The following MOG variants were observed in gnomAD, a reference collection of about 807,000 sequenced individuals.
MOG encodes the protein myelin oligodendrocyte glycoprotein, also known as myelin-oligodendrocyte glycoprotein.
A neutral mutation model predicts 35.9 loss-of-function variants in MOG; 20 were observed. That is an observed-to-expected ratio of 0.56 (90% CI 0.39 to 0.81). MOG has a LOEUF of 0.81. Among genes scored for constraint, MOG ranks in the 30% least tolerant of loss-of-function variants. MOG has a pLI of 0.00. For missense variants in MOG, 251 were observed against 301.0 expected, an observed-to-expected ratio of 0.83 and a Z score of 1.23; for synonymous variants, 92 against 114.3, an observed-to-expected ratio of 0.80 and a Z score of 1.25.
At chr6:29,668,607 T>G (rs936966311) in intron 5 of MOG, among the ~76,000 whole-genome samples, 7 of 152,220 alleles carry the variant, frequency 4.6e-5, no homozygotes, top group African/African-American at 1.7e-4. Context: ...TAGGTGACTC[T>G]ACTCTTGTCA....
Position 29,659,514 on chromosome 6 carries a change from G to A in MOG, c.284G>A (p.Arg95Gln), listed in dbSNP as rs752019554. 8.7e-6 allele frequency: 14 copies of A among 1,613,034 alleles called. No individual in the cohort carries two copies. The East Asian group carries it at 1.1e-4, about 13-fold the overall frequency. Residue 95 changes from arginine to glutamine, a missense_variant, in exon 2 of 8, where the codon CGG (arginine) becomes CAG (glutamine). Physicochemically the swap from Arg to Gln is conservative, Grantham distance 43. Coordinates refer to ENST00000376917, the MANE Select transcript of MOG (RefSeq NM_206809.4). The stretch of plus-strand genomic sequence containing the variant: ...GATGGAGACCAGGCACCTGAATATC[G>A]GGGCCGGACAGAGCTGCTGAAAGAT... ...DQDGDQAPEY[R>Q]GRTELLKDAI... is the part of the protein sequence containing the mutation.
intron 2 of MOG, among the ~76,000 whole-genome samples, chr6:29,660,562 GCA>G (rs35514085): frequency 0.39 from 50,828 of 128,934 alleles, 10,944 homozygotes; most frequent in South Asian, 0.5. Flanking sequence ...ATTTGTGAGC[GCA>G]CACACACACA....
intron 2 of MOG, chr6:29,661,906 T>C: frequency 1.0e-6 from 1 of 985,150 alleles, no homozygotes; most frequent in South Asian, 4.7e-5. Context: ...TTTGGGTTGC[T>C]ATCCACATTC....
Position 29,659,393 on chromosome 6 carries a change from A to C in MOG, c.163A>C (p.Ile55Leu). 3 of 1,612,992 alleles carry C rather than the reference A, an allele frequency of 1.9e-6. No individual in the cohort carries two copies. The highest frequency in any genetic ancestry group is 2.5e-6 in the Non-Finnish European group (3 of 1,179,998). Residue 55 changes from isoleucine (I) to leucine (L), a missense_variant, in exon 2 of 8, where the codon ATA becomes CTA. Ile to Leu is a conservative substitution (Grantham distance 5). Coordinates refer to ENST00000376917, the MANE Select transcript of MOG (RefSeq NM_206809.4). ...GGATGAAGTGGAATTGCCATGTCGC[A>C]TATCTCCTGGGAAGAACGCTACAGG... The part of the protein sequence containing the change: ...VGDEVELPCR[I>L]SPGKNATGME...
At chr6:29,658,141 A>T (rs1184421708) in intron 1 of MOG, among the ~76,000 whole-genome samples, 1 of 152,182 alleles carries the variant, frequency 6.6e-6, no homozygotes, top group Non-Finnish European at 1.5e-5. Context: ...ATGTTTGTGG[A>T]ATTATAATAT....
rs535999803 is a variant in MOG, at chr6:29,659,674, G to C, written c.436+8G>C. ...TGGAATTGAAAGTAGAAGGTGAGTAGTGCCATATAATATTAGGTATTAACT... is the reference window on the plus strand; with the variant it reads ...TGGAATTGAAAGTAGAAGGTGAGTACTGCCATATAATATTAGGTATTAACT... On this transcript the variant is annotated splice_region_variant and intron_variant, in intron 2 of 7. Coordinates refer to ENST00000376917, the MANE Select transcript of MOG (RefSeq NM_206809.4). 2 of 1,608,062 alleles carry C rather than the reference G, an allele frequency of 1.2e-6. No individual in the cohort carries two copies. Among genetic ancestry groups the C allele is most frequent in the South Asian group, 1.1e-5 (1 of 90,848 alleles).
At chr6:29,661,425 T>A in intron 2 of MOG, 1 of 985,276 alleles carries the variant, frequency 1.0e-6, no homozygotes, top group Non-Finnish European at 1.2e-6. Context: ...AGTTTGATAG[T>A]GAGACCCTCT....
intron 2 of MOG, chr6:29,659,987 T>C: frequency 2.3e-6 from 1 of 443,020 alleles, no homozygotes; most frequent in East Asian, 4.6e-5. Flanking sequence ...AGGCCTTCTA[T>C]AAGGTATTAT....
chr6:29,660,587 C>CACAA (rs1554203798), intron 2 of MOG, among the ~76,000 whole-genome samples: 14 of 147,682 alleles, frequency 9.5e-5, no homozygotes, highest in African/African-American at 1.8e-4. Context: ...CACACACACA[C>CACAA]ACCTGTGCTT....
At position 29,659,349 on chromosome 6, in the gene MOG, C is replaced by T; in HGVS notation, c.119C>T (p.Pro40Leu). 1 of 1,612,908 alleles carries T rather than the reference C, an allele frequency of 6.2e-7. No homozygotes were observed. Among genetic ancestry groups the T allele is most frequent in the African/African-American group, 1.3e-5 (1 of 75,010 alleles). Residue 40 changes from proline (P) to leucine (L), a missense_variant, in exon 2 of 8, where the codon CCT becomes CTT. Physicochemically the swap from Pro to Leu is moderately conservative, Grantham distance 98. Transcript: ENST00000376917. Reference protein sequence around the residue: ...GQFRVIGPRHPIRALVGDEVE... With the variant: ...GQFRVIGPRHLIRALVGDEVE... ...TTCAGAGTGATAGGACCAAGACACC[C>T]TATCCGGGCTCTGGTCGGGGATGAA...
In MOG at chr6:29,662,259, A is replaced by T. The variant is rs2127505552; in HGVS notation, c.436+2593A>T. On this transcript the variant is annotated intron_variant, in intron 2 of 7. Transcript: ENST00000376917. This position sits in a 1 kb window ranked among gnomAD's most constrained non-coding sequence, Gnocchi z 4.2. ...AGCACTTTGGGAGGCCGAAGCGGGC[A>T]GATCACCCGAGGTCAGGAGTTCGAG... 1 of 791,194 alleles carries T rather than the reference A, an allele frequency of 1.3e-6. No individual in the cohort carries two copies. Among genetic ancestry groups the T allele is most frequent in the East Asian group, 1.3e-4 (1 of 7,922 alleles). 49.0% of individuals were successfully genotyped at this position (791,194 alleles called of 1,614,324 possible). A position where few individuals can be genotyped will look rare whatever the true frequency, so the allele number is the denominator to read the frequency against.
At chr6:29,660,788 G>A (rs1211713528) in intron 2 of MOG, among the ~76,000 whole-genome samples, 3 of 147,622 alleles carry the variant, frequency 2.0e-5, no homozygotes, top group East Asian at 2.0e-4. Flanking sequence ...GTGCAATGGC[G>A]CCCTCCGCCT....
rs1457277278 is a variant in MOG, at chr6:29,672,326, AAATAAAT to A, written c.*1144_*1150del. On this transcript the variant is annotated 3_prime_UTR_variant, in exon 8 of 8. Transcript: ENST00000376917. ...TAAATAAATAAATAAATAAATAAAT[AAATAAAT>A]AAAAAATAATAATACAAGTTTTCAT... 22 of 277,112 alleles carry A rather than the reference AAATAAAT, an allele frequency of 7.9e-5. No homozygotes were observed. Among genetic ancestry groups the A allele is most frequent in the Non-Finnish European group, 1.1e-4 (18 of 157,686 alleles). The allele number at this position is 277,112 out of a possible 1,614,324, so 17.2% of individuals were successfully genotyped here. A position where few individuals can be genotyped will look rare whatever the true frequency, so the allele number is the denominator to read the frequency against.
intron 1 of MOG, 143 bp downstream of exon 1, chr6:29,657,440 G>A (rs1421759352): frequency 6.5e-5 from 46 of 706,966 alleles, no homozygotes; most frequent in Non-Finnish European, 9.4e-5. Flanking sequence ...CCCTTCCTCA[G>A]AAACCTTCCG....
In MOG at chr6:29,659,679, A is replaced by G. The variant is rs757178933; in HGVS notation, c.436+13A>G. The G allele has an allele frequency of 6.2e-7, 1 of 1,602,834 alleles. No individual in the cohort carries two copies. The highest frequency in any genetic ancestry group is 8.5e-7 in the Non-Finnish European group (1 of 1,171,260). On this transcript the variant is annotated intron_variant, in intron 2 of 7. Coordinates refer to ENST00000376917, the MANE Select transcript of MOG (RefSeq NM_206809.4). ...TTGAAAGTAGAAGGTGAGTAGTGCCATATAATATTAGGTATTAACTGTTGG... is the reference window on the plus strand; with the variant it reads ...TTGAAAGTAGAAGGTGAGTAGTGCCGTATAATATTAGGTATTAACTGTTGG...
In MOG at chr6:29,671,222, G is replaced by T. The variant is rs1771398440; in HGVS notation, c.*37G>T. On this transcript the variant is annotated 3_prime_UTR_variant, in exon 8 of 8. Coordinates refer to ENST00000376917, the MANE Select transcript of MOG (RefSeq NM_206809.4). The stretch of plus-strand genomic sequence containing the variant: ...TCTTGGCAGGGGTGGAGGAGAGCCT[G>T]GTTGCCCAGGGATTTGTCCTTGGGG... 6.2e-7 allele frequency: 1 copy of T among 1,612,728 alleles called. No homozygotes were observed. The highest frequency in any genetic ancestry group is 8.5e-7 in the Non-Finnish European group (1 of 1,180,034).
chr6:29,658,029 T>C (rs1266241351), intron 1 of MOG, among the ~76,000 whole-genome samples: 1 of 152,184 alleles, frequency 6.6e-6, no homozygotes, highest in African/African-American at 2.4e-5. Context: ...ACCTCTCAAA[T>C]TGAGATAAAA....
intron 3 of MOG, 53 bp from the exon 4 acceptor site, chr6:29,667,590 C>T: frequency 1.2e-6 from 2 of 1,607,790 alleles, no homozygotes; most frequent in Non-Finnish European, 1.7e-6. Context: ...GGGAGGGTCC[C>T]CACCGAGAGC....
At chr6:29,671,028 G>A (rs1771364465) in intron 7 of MOG, 144 bp from the exon 8 acceptor site, 2 of 1,611,674 alleles carry the variant, frequency 1.2e-6, no homozygotes, top group East Asian at 2.2e-5. Context: ...CACAGCAACT[G>A]CCCAGTGCCT....
Sources: allele counts gnomAD v4.1 joint callset (sites outside exome capture counted in the v4.1 genomes callset), GRCh38; gene constraint gnomAD v4.1.1; non-coding constraint Gnocchi (gnomAD v3.1); transcripts MANE v1.5; gene names NCBI Gene and HGNC (gene_info 2026-07-23, HGNC 2026-07-21).